The following PACRGL variants were observed in gnomAD, a reference collection of about 807,000 sequenced individuals.
PACRGL encodes parkin coregulated like, also known as PACRG-like protein.
In PACRGL, 38 loss-of-function variants were observed where a neutral mutation model predicts 34.5. The ratio of observed to expected loss-of-function variants is 1.10; its 90% CI spans 0.85 to 1.44. The LOEUF is 1.44. Among genes scored for constraint, PACRGL ranks in the 40% most tolerant of loss-of-function variants. The pLI, the probability that PACRGL is intolerant of heterozygous loss-of-function variation, is 0.00. For synonymous variants in PACRGL, 128 were observed against 100.1 expected (o/e 1.28, Z -1.66); for missense variants, 305 against 281.4 (o/e 1.08, Z -0.60).
intron 4 of PACRGL, among the ~76,000 whole-genome samples, chr4:20,709,292 C>G (rs1735999093): frequency 6.6e-6 from 1 of 152,202 alleles, no homozygotes; most frequent in South Asian, 2.1e-4. Context: ...GTTAGGGTTA[C>G]ATGATCTATA....
At position 20,729,679 on chromosome 4, in the gene PACRGL, G is replaced by C. The variant is rs1747413275; in HGVS notation, c.*2338G>C. On this transcript the variant is annotated 3_prime_UTR_variant, in exon 9 of 9. Coordinates refer to ENST00000503585, the MANE Select transcript of PACRGL (RefSeq NM_001258345.3). Reference sequence around the variant, plus strand: ...ATTTAATTTCTGGAAATTAAATGCAGATGTCACTATATTAGAAAACCATTC... The same window carrying C: ...ATTTAATTTCTGGAAATTAAATGCACATGTCACTATATTAGAAAACCATTC... 1 of 156,458 alleles carries C rather than the reference G, an allele frequency of 6.4e-6. No homozygotes were observed. Among genetic ancestry groups the C allele is most frequent in the Non-Finnish European group, 1.4e-5 (1 of 71,276 alleles). The allele number at this position is 156,458 out of a possible 1,614,324, so 9.7% of individuals were successfully genotyped here.
downstream of PACRGL, among the ~76,000 whole-genome samples, chr4:20,735,377 T>C (rs1445294934): frequency 6.6e-6 from 1 of 152,152 alleles, no homozygotes; most frequent in Non-Finnish European, 1.5e-5. Flanking sequence ...TTATGAGGAT[T>C]AAAAAAGAGG....
At position 20,712,773 on chromosome 4, in the gene PACRGL, C is replaced by T. The variant is rs777660717; in HGVS notation, c.367-15C>T. The T allele has an allele frequency of 6.8e-6, 10 of 1,461,474 alleles. No homozygotes were observed. The highest frequency in any genetic ancestry group is 8.2e-6 in the Non-Finnish European group (9 of 1,093,286). The allele number at this position is 1,461,474 out of a possible 1,614,324, so 90.5% of individuals were successfully genotyped here. A position where few individuals can be genotyped will look rare whatever the true frequency, so the allele number is the denominator to read the frequency against. On this transcript the variant is annotated splice_polypyrimidine_tract_variant and intron_variant, in intron 5 of 8. Coordinates refer to ENST00000503585, the MANE Select transcript of PACRGL (RefSeq NM_001258345.3). ...AAATGGGTAGTAAATCATGTTTCCTCTTGGTCTTTGTCAGGGTCTGAGAGA... is the reference window on the plus strand; with the variant it reads ...AAATGGGTAGTAAATCATGTTTCCTTTTGGTCTTTGTCAGGGTCTGAGAGA...
At position 20,729,655 on chromosome 4, in the gene PACRGL, T is replaced by A. The variant is rs1401769011; in HGVS notation, c.*2314T>A. The A allele has an allele frequency of 7.2e-6, 1 of 139,482 alleles. No homozygotes were observed. The highest frequency in any genetic ancestry group is 1.6e-5 in the Non-Finnish European group (1 of 61,962). The allele number at this position is 139,482 out of a possible 1,614,324, so 8.6% of individuals were successfully genotyped here. A position where few individuals can be genotyped will look rare whatever the true frequency, so the allele number is the denominator to read the frequency against. The stretch of plus-strand genomic sequence containing the variant: ...TACAGCATTCAAACATGAAAATTAA[T>A]TTAATTTCTGGAAATTAAATGCAGA... On this transcript the variant is annotated 3_prime_UTR_variant, in exon 9 of 9. Transcript: ENST00000503585.
chr4:20,739,123 G>GGCCT (rs1229960152), intron 8 of PACRGL, among the ~76,000 whole-genome samples: 2 of 152,178 alleles, frequency 1.3e-5, no homozygotes, highest in African/African-American at 2.4e-5. Flanking sequence ...AGCTCAAGGA[G>GGCCT]GCCTGCCTGC....
intron 7 of PACRGL, among the ~76,000 whole-genome samples, chr4:20,721,044 A>C (rs2149168545): frequency 6.6e-6 from 1 of 152,004 alleles, no homozygotes; most frequent in Middle Eastern, 3.4e-3. Flanking sequence ...TTTTTTCTCT[A>C]AACTTCACTT....
At chr4:20,756,236 A>G (rs1754427504), downstream of PACRGL, among the ~76,000 whole-genome samples, 1 of 151,928 alleles carries the variant, frequency 6.6e-6, no homozygotes, top group Non-Finnish European at 1.5e-5. Context: ...TAACAGAGAG[A>G]AACAGTTGTC....
the PACRGL span, among the ~76,000 whole-genome samples, chr4:20,765,456 G>T: frequency 6.6e-6 from 1 of 152,262 alleles, no homozygotes; most frequent in South Asian, 2.1e-4. Context: ...AATTTATTGT[G>T]CATTGTAGCT....
At chr4:20,765,608 TC>T in the PACRGL span, among the ~76,000 whole-genome samples, 1 of 152,196 alleles carries the variant, frequency 6.6e-6, no homozygotes, top group East Asian at 1.9e-4. Flanking sequence ...AGGAAAATGT[TC>T]TGGTTTTTAG....
chr4:20,735,695 CCTGA>C (rs1384838600), downstream of PACRGL, among the ~76,000 whole-genome samples: 1 of 151,930 alleles, frequency 6.6e-6, no homozygotes, highest in African/African-American at 2.4e-5. Flanking sequence ...CGCCACCATG[CCTGA>C]CTAATTTTTG....
chr4:20,731,372 C>A lies in PACRGL; in HGVS notation c.*4031C>A. The A allele has an allele frequency of 1.0e-6, 1 of 984,196 alleles. No homozygotes were observed. Among genetic ancestry groups the A allele is most frequent in the Non-Finnish European group, 1.2e-6 (1 of 828,844 alleles). The allele number at this position is 984,196 out of a possible 1,614,324, so 61.0% of individuals were successfully genotyped here. ...TACAGTTGTGAGCTACTGTACCAGG[C>A]CTTAACAATTTTTAACTGTGGTTCT... On this transcript the variant is annotated 3_prime_UTR_variant, in exon 9 of 9. Transcript: ENST00000503585.
At chr4:20,732,712 G>A (rs1335449942), downstream of PACRGL, 5 of 1,611,756 alleles carry the variant, frequency 3.1e-6, no homozygotes, top group Non-Finnish European at 4.2e-6. Context: ...TTGTCTGGGA[G>A]CATCTTCTTT....
chr4:20,712,691 A>G lies in PACRGL; in HGVS notation c.367-97A>G, dbSNP rs146475804. 4 of 1,085,332 alleles carry G rather than the reference A, an allele frequency of 3.7e-6. No homozygotes were observed. In the African/African-American group the frequency reaches 6.5e-5, roughly 18 times the overall value. 67.2% of individuals were successfully genotyped at this position (1,085,332 alleles called of 1,614,324 possible). On this transcript the variant is annotated intron_variant, in intron 5 of 8. Coordinates refer to ENST00000503585, the MANE Select transcript of PACRGL (RefSeq NM_001258345.3). ...TCATGATTAGGAAAACAATAATGAA[A>G]TTTTTGATTTTTGTTTAAGCAAGTA...
At chr4:20,734,786 A>C, downstream of PACRGL, 1 of 1,046,210 alleles carries the variant, frequency 9.6e-7, no homozygotes, top group Non-Finnish European at 1.4e-6. Context: ...AAAAAACAAA[A>C]ACAAAAAAAA....
At chr4:20,743,613 A>T (rs538131570) in intron 8 of PACRGL, among the ~76,000 whole-genome samples, 1 of 152,214 alleles carries the variant, frequency 6.6e-6, no homozygotes, top group Admixed American at 6.5e-5. Flanking sequence ...TTATACAAAA[A>T]TTAATTCAAG....
At chr4:20,710,081 G>T (rs1329491223) in intron 5 of PACRGL, among the ~76,000 whole-genome samples, 1 of 152,112 alleles carries the variant, frequency 6.6e-6, no homozygotes, top group Non-Finnish European at 1.5e-5. Flanking sequence ...TTTGGTACTA[G>T]TGAAATAAGG....
At chr4:20,708,563 T>A (rs777770208) in intron 4 of PACRGL, among the ~76,000 whole-genome samples, 3 of 152,194 alleles carry the variant, frequency 2.0e-5, no homozygotes, top group Non-Finnish European at 4.4e-5. Flanking sequence ...CATATTTACA[T>A]TCTGAATTGA....
In PACRGL at chr4:20,731,767, A is replaced by G. The variant is rs916566442; in HGVS notation, c.*4426A>G. 4.1e-6 allele frequency: 4 copies of G among 985,402 alleles called. No homozygotes were observed. The highest frequency in any genetic ancestry group is 9.4e-5 in the South Asian group (2 of 21,290). 61.0% of individuals were successfully genotyped at this position (985,402 alleles called of 1,614,324 possible). ...AGGAATTTGGGAATCAACACAGTAC[A>G]TGTACAACTTTTGTATCCCCAGGGT... On this transcript the variant is annotated 3_prime_UTR_variant, in exon 9 of 9. Coordinates refer to ENST00000503585, the MANE Select transcript of PACRGL (RefSeq NM_001258345.3).
At chr4:20,758,811 T>G in the PACRGL span, 13 of 1,605,412 alleles carry the variant, frequency 8.1e-6, no homozygotes, top group Admixed American at 1.2e-4. Context: ...AAGTCCACAT[T>G]TGTACTTACC....
Sources: gnomAD v4.1 joint callset for allele counts (sites outside exome capture counted in the v4.1 genomes callset) on GRCh38, gnomAD v4.1.1 for gene constraint, MANE v1.5 for transcripts, NCBI Gene and HGNC (gene_info 2026-07-23, HGNC 2026-07-21) for gene names.